FGF13: variants seen among roughly 807,000 people sequenced by gnomAD.
FGF13 encodes fibroblast growth factor homologous factor 2.
Under a neutral mutation model 19.5 loss-of-function variants are expected in FGF13, and 2 were observed. The observed-to-expected ratio is 0.10, with a 90% CI of 0.04 to 0.32. The LOEUF is 0.32. Ranked by LOEUF, FGF13 falls within the 10% of genes least tolerant of loss-of-function variation. The pLI is 1.00. For missense variants in FGF13, 113 were observed against 192.7 expected, an observed-to-expected ratio of 0.59 and a Z score of 2.45; for synonymous variants, 72 against 76.9, an observed-to-expected ratio of 0.94 and a Z score of 0.33.
At chrX:138,733,931 GAGT>G (rs2090252388) in intron 1 of FGF13, among the ~76,000 whole-genome samples, 1 of 110,968 alleles carries the variant, frequency 9.0e-6, no homozygotes, top group Admixed American at 9.6e-5. Flanking sequence ...TTTTCCTTTG[GAGT>G]ACTAAGATAT....
At chrX:139,161,598 G>A (rs1376679394) in intron 1 of FGF13, among the ~76,000 whole-genome samples, 1 of 112,008 alleles carries the variant, frequency 8.9e-6, no homozygotes, top group Non-Finnish European at 1.9e-5. Context: ...TAGGAAGAGA[G>A]GAAGTCAAAT....
intron 3 of FGF13, among the ~76,000 whole-genome samples, chrX:138,839,817 G>A (rs1056884938): frequency 5.4e-5 from 6 of 111,698 alleles, no homozygotes; most frequent in Admixed American, 3.8e-4. Flanking sequence ...AAAGCCATCT[G>A]GCTTAGAAAA....
intron 1 of FGF13, among the ~76,000 whole-genome samples, chrX:139,036,073 G>T (rs1209088063): frequency 1.8e-5 from 2 of 111,921 alleles, no homozygotes; most frequent in African/African-American, 3.2e-5. Flanking sequence ...AGTGATCTAT[G>T]GAATAATAGT....
chrX:138,745,259 CTTA>C (rs1292228099), intron 3 of FGF13, among the ~76,000 whole-genome samples: 3 of 111,964 alleles, frequency 2.7e-5, no homozygotes, highest in African/African-American at 9.7e-5. Context: ...GAGTGTGAAT[CTTA>C]TTAGTAGGAA....
rs1335339339 is a variant in FGF13 at position 138,617,647 on chromosome X, G to A, written c.*15203C>T. ...CATGTGTGTGAGAGAAAAAGAGAGT[G>A]AGAAGGGGATAGCTGGGCACAGTGA... is the stretch of plus-strand genomic sequence containing the variant. On this transcript the variant is annotated 3_prime_UTR_variant, in exon 5 of 5. Transcript: ENST00000315930. The A allele has an allele frequency of 4.5e-5, 5 of 111,890 alleles. 1 individual carries two copies. The highest frequency in any genetic ancestry group is 9.4e-5 in the Non-Finnish European group (5 of 53,220). The allele number at this position is 111,890 out of a possible 1,213,427, so 9.2% of individuals were successfully genotyped here.
At chrX:139,016,386 G>T (rs888494434) in intron 1 of FGF13, among the ~76,000 whole-genome samples, 5 of 111,560 alleles carry the variant, frequency 4.5e-5, no homozygotes, top group African/African-American at 1.3e-4. Context: ...CCCAAAGTCA[G>T]TGAAAGATCA....
chrX:138,719,880 C>T (rs1391454910), intron 1 of FGF13, among the ~76,000 whole-genome samples: 1 of 112,893 alleles, frequency 8.9e-6, no homozygotes, highest in African/African-American at 3.2e-5. Flanking sequence ...ATTTTAGAAA[C>T]TGATTTCCTA....
At chrX:138,882,615 C>T (rs182359652) in intron 1 of FGF13, among the ~76,000 whole-genome samples, 74 of 111,905 alleles carry the variant, frequency 6.6e-4, no homozygotes, top group South Asian at 3.0e-3. Context: ...CCTCAGGAAA[C>T]TCAAGCCATC....
intron 1 of FGF13, among the ~76,000 whole-genome samples, chrX:138,952,454 G>C (rs889974889): frequency 8.9e-6 from 1 of 111,958 alleles, no homozygotes; most frequent in Non-Finnish European, 1.9e-5. Context: ...TTAAATGTTA[G>C]ACCTGAAACT....
At chrX:138,951,214 C>G (rs4532736) in intron 1 of FGF13, among the ~76,000 whole-genome samples, 9,477 of 111,081 alleles carry the variant, frequency 0.085, 435 homozygotes, top group East Asian at 0.17. Flanking sequence ...ACTCCGCCTC[C>G]CATCAGCTTA....
Position 138,783,796 on chromosome X carries a change from G to C in FGF13, c.217+73716C>G, listed in dbSNP as rs1207028081. ...TCTAGAACTGGAAATACCATTTGAC[G>C]CAGCCATCCCATTACTGGGTATATA... On this transcript the variant is annotated intron_variant, in intron 3 of 6. Coordinates refer to the FGF13 transcript ENST00000436198. Among the ~76,000 whole-genome samples, 18 of 109,618 alleles carry C rather than the reference G, an allele frequency of 1.6e-4. 1 individual carries two copies. The highest frequency in any genetic ancestry group is 9.3e-3 in the Middle Eastern group (2 of 214).
At chrX:138,942,723 G>A (rs1445877632) in intron 1 of FGF13, among the ~76,000 whole-genome samples, 1 of 111,367 alleles carries the variant, frequency 9.0e-6, no homozygotes, top group Non-Finnish European at 1.9e-5. Context: ...TAGACACAAA[G>A]GTATTTTCTA....
chrX:138,785,518 C>T (rs2090685305), intron 3 of FGF13, among the ~76,000 whole-genome samples: 2 of 111,448 alleles, frequency 1.8e-5, no homozygotes, highest in Admixed American at 1.9e-4. Flanking sequence ...TATCAACAAC[C>T]TTCAGGTAAT....
chrX:139,010,740 A>C (rs1228728215), intron 1 of FGF13, among the ~76,000 whole-genome samples: 1 of 111,367 alleles, frequency 9.0e-6, no homozygotes, highest in Non-Finnish European at 1.9e-5. Flanking sequence ...GTCACACCGC[A>C]CAGAAGTGGA....
At chrX:138,972,517 C>T (rs1054629746) in intron 1 of FGF13, among the ~76,000 whole-genome samples, 1 of 108,733 alleles carries the variant, frequency 9.2e-6, no homozygotes, top group African/African-American at 3.4e-5. Context: ...CCACCATGCC[C>T]GGCTAATTTT....
chrX:138,905,007 CGTAAGT>C (rs112016041), intron 1 of FGF13, among the ~76,000 whole-genome samples: 1,191 of 111,786 alleles, frequency 0.011, 27 homozygotes, highest in African/African-American at 0.037. Context: ...TCACAGTAAA[CGTAAGT>C]ACAATTATGA....
intron 1 of FGF13, among the ~76,000 whole-genome samples, chrX:139,003,866 G>A (rs890609680): frequency 7.2e-5 from 8 of 111,731 alleles, no homozygotes; most frequent in Non-Finnish European, 1.5e-4. Context: ...CAAACCTTGA[G>A]CTAAACACAG....
chrX:138,651,330 T>C (rs1189603648), intron 3 of FGF13, among the ~76,000 whole-genome samples: 1 of 112,388 alleles, frequency 8.9e-6, no homozygotes, highest in Non-Finnish European at 1.9e-5. Context: ...GAGATGGGTG[T>C]GTAAACAGCA....
intron 1 of FGF13, among the ~76,000 whole-genome samples, chrX:138,995,181 G>A (rs903378280): frequency 9.0e-6 from 1 of 111,379 alleles, no homozygotes; most frequent in African/African-American, 3.3e-5. Context: ...GAAGAGTACA[G>A]CAATTGTGAA....
Sources: allele counts gnomAD v4.1 joint callset (sites outside exome capture counted in the v4.1 genomes callset), GRCh38; gene constraint gnomAD v4.1.1; transcripts MANE v1.5; gene names NCBI Gene and HGNC (gene_info 2026-07-23, HGNC 2026-07-21).